FIGNL1: variants seen among roughly 807,000 people sequenced by gnomAD.
FIGNL1 encodes the protein fidgetin like 1.
A neutral mutation model predicts 28.9 loss-of-function variants in FIGNL1; 11 were observed. The ratio of observed to expected loss-of-function variants is 0.38; its 90% CI spans 0.24 to 0.63. The LOEUF (loss-of-function observed/expected upper bound fraction) is 0.63, where lower values mean the gene tolerates loss of function less well. FIGNL1 is among the 20% of genes least tolerant of loss of function. FIGNL1 has a pLI of 0.57. For missense variants in FIGNL1, 789 were observed against 810.4 expected, an observed-to-expected ratio of 0.97 and a Z score of 0.32; for synonymous variants, 295 against 276.5, an observed-to-expected ratio of 1.07 and a Z score of -0.66.
At position 50,445,228 on chromosome 7, in the gene FIGNL1, G is replaced by A. The variant is rs769702701; in HGVS notation, c.*35C>T. 2 of 1,338,944 alleles carry A rather than the reference G, an allele frequency of 1.5e-6. No homozygotes were observed. The highest frequency in any genetic ancestry group is 1.5e-5 in the African/African-American group (1 of 68,098). The allele number at this position is 1,338,944 out of a possible 1,614,324, so 82.9% of individuals were successfully genotyped here. On this transcript the variant is annotated 3_prime_UTR_variant, in exon 4 of 4. Transcript: ENST00000433017. The stretch of plus-strand genomic sequence containing the variant: ...TCTATGCTAAAAAATAAAGAAGACT[G>A]TACTACAGAGATGCCTTGATTCCAA...
intron 1 of FIGNL1, 146 bp downstream of exon 1, chr7:50,450,155 C>T (rs1370342715): frequency 2.6e-5 from 4 of 153,022 alleles, no homozygotes; most frequent in Non-Finnish European, 4.4e-5. Context: ...TGCCTGGCTC[C>T]CGCCTCCCAC....
In FIGNL1 at chr7:50,446,472, T is replaced by C. The variant is rs889657235; in HGVS notation, c.816A>G (p.Pro272=). 6.2e-7 allele frequency: 1 copy of C among 1,614,216 alleles called. No individual in the cohort carries two copies. The highest frequency in any genetic ancestry group is 8.5e-7 in the Non-Finnish European group (1 of 1,180,024). ...TTTTACTACAAGCCTTATTCAGTAT[T>C]GGATTGGAAAGTGCATCAATGGTGC... The part of the protein sequence containing the change: ...GSGTIDALSN[P]ILNKACSKTE... Residue 272 remains proline (P), a synonymous_variant, in exon 4 of 4, where the codon CCA becomes CCG. Transcript: ENST00000433017.
At chr7:50,448,786 T>C (rs545520115) in intron 2 of FIGNL1, 22 of 152,340 alleles carry the variant, frequency 1.4e-4, no homozygotes, top group Admixed American at 1.4e-3. Flanking sequence ...ATTTGTCACA[T>C]TGTAAGTAGG....
At position 50,446,449 on chromosome 7, in the gene FIGNL1, TTAC is replaced by T; in HGVS notation, c.836_838del (p.Ser279del). On this transcript the variant is annotated inframe_deletion, in exon 4 of 4. Coordinates refer to ENST00000433017, the MANE Select transcript of FIGNL1 (RefSeq NM_001287492.4). ...CTCCTTTGGGCCATTATCTTCTGTT[TTAC>T]TACAAGCCTTATTCAGTATTGGATT... 1.2e-6 allele frequency: 2 copies of T among 1,614,196 alleles called. No homozygotes were observed. Among genetic ancestry groups the T allele is most frequent in the Non-Finnish European group, 1.7e-6 (2 of 1,180,034 alleles).
At position 50,445,895 on chromosome 7, in the gene FIGNL1, T is replaced by C. The variant is rs777519479; in HGVS notation, c.1393A>G (p.Ile465Val). The stretch of plus-strand genomic sequence containing the variant: ...TTAGAAGTTAAGGATGAAGCAGAGA[T>C]GCTAAAGAATGTTGCCCCAGACTGA... ...ASQSGATFFS[I>V]SASSLTSKWV... Residue 465 changes from isoleucine to valine, a missense_variant, in exon 4 of 4, where the codon ATC (isoleucine) becomes GTC (valine). Ile to Val is a conservative substitution (Grantham distance 29). Transcript: ENST00000433017. 7 of 1,613,990 alleles carry C rather than the reference T, an allele frequency of 4.3e-6. No individual in the cohort carries two copies. The highest frequency in any genetic ancestry group is 1.7e-5 in the Admixed American group (1 of 60,006).
chr7:50,449,780 G>T (rs10236132), intron 1 of FIGNL1, 57 bp from the exon 2 acceptor site: 12,317 of 152,338 alleles, frequency 0.081, 569 homozygotes, highest in Middle Eastern at 0.14. Flanking sequence ...ATTCTGCAAA[G>T]CACTAGACAG....
At position 50,446,673 on chromosome 7, in the gene FIGNL1, T is replaced by G. The variant is rs774942618; in HGVS notation, c.615A>C (p.Ala205=). 2 of 1,614,078 alleles carry G rather than the reference T, an allele frequency of 1.2e-6. No homozygotes were observed. The highest frequency in any genetic ancestry group is 1.3e-5 in the African/African-American group (1 of 74,942). Residue 205 remains alanine (A), a synonymous_variant, in exon 4 of 4, where the codon GCA becomes GCC. Coordinates refer to ENST00000433017, the MANE Select transcript of FIGNL1 (RefSeq NM_001287492.4). ...TTGCAGTAGCTGACTCACCTACAGG[T>G]GCTGAGAATGTAGGACAAGTCCTAG... is the stretch of plus-strand genomic sequence containing the variant. ...NTARTCPTFS[A]PVGESATAKF...
Position 50,445,660 on chromosome 7 carries a change from CCCA to C in FIGNL1, c.1625_1627del (p.Val542del). On this transcript the variant is annotated inframe_deletion, in exon 4 of 4. Transcript: ENST00000433017. ...AATTTCTTGTGGCCGATTTGTTGCT[CCCA>C]CCACTAGGATACGATCTTCAGAAGA... The C allele has an allele frequency of 6.2e-7, 1 of 1,614,038 alleles. No individual in the cohort carries two copies. The highest frequency in any genetic ancestry group is 8.5e-7 in the Non-Finnish European group (1 of 1,179,992).
At chr7:50,448,489 C>T (rs1370013749) in intron 2 of FIGNL1, 200 bp from the exon 3 acceptor site, 1 of 152,154 alleles carries the variant, frequency 6.6e-6, no homozygotes, top group Non-Finnish European at 1.5e-5. Flanking sequence ...TAGGAAAATG[C>T]TTTTACTTTA....
Position 50,447,300 on chromosome 7 carries a change from AT to A in FIGNL1, c.-10-4del. ...TGGAGGTCTGCATTTTAGAGGTTCTATAACAAACAATAAAAATGAAAATCAG... is the reference window on the plus strand; with the variant it reads ...TGGAGGTCTGCATTTTAGAGGTTCTAAACAAACAATAAAAATGAAAATCAG... On this transcript the variant is annotated splice_polypyrimidine_tract_variant and splice_region_variant and intron_variant, in intron 3 of 3. Coordinates refer to ENST00000433017, the MANE Select transcript of FIGNL1 (RefSeq NM_001287492.4). 1 of 1,518,784 alleles carries A rather than the reference AT, an allele frequency of 6.6e-7. No homozygotes were observed. Among genetic ancestry groups the A allele is most frequent in the Non-Finnish European group, 8.8e-7 (1 of 1,130,024 alleles). 94.1% of individuals were successfully genotyped at this position (1,518,784 alleles called of 1,614,324 possible). A position where few individuals can be genotyped will look rare whatever the true frequency, so the allele number is the denominator to read the frequency against.
chr7:50,447,321 A>C (rs1821171296), intron 3 of FIGNL1, 24 bp from the exon 4 acceptor site: 1 of 1,463,634 alleles, frequency 6.8e-7, no homozygotes, highest in African/African-American at 1.4e-5. Context: ...TAAAAATGAA[A>C]ATCAGTATGA....
chr7:50,449,855 T>A (rs1429630824), intron 1 of FIGNL1, 132 bp from the exon 2 acceptor site: 1 of 152,310 alleles, frequency 6.6e-6, no homozygotes, highest in Non-Finnish European at 1.5e-5. Context: ...CGATGACCCC[T>A]GAAAGGTATG....
In FIGNL1 at chr7:50,447,201, C is replaced by T. The variant is rs755278729; in HGVS notation, c.87G>A (p.Pro29=). 8 of 1,614,022 alleles carry T rather than the reference C, an allele frequency of 5.0e-6. No individual in the cohort carries two copies. The highest frequency in any genetic ancestry group is 1.1e-5 in the South Asian group (1 of 91,082). ...TCTGTGCACGGTATGCATCTGCCTT[C>T]GGTCCGGTACATATGCCAGATGTAA... is the stretch of plus-strand genomic sequence containing the variant. ...FAITSGICTG[P]KADAYRAQIL... Residue 29 remains proline (P), a synonymous_variant, in exon 4 of 4, where the codon CCG becomes CCA. Transcript: ENST00000433017.
chr7:50,444,866 A>G lies in FIGNL1; in HGVS notation c.*397T>C, dbSNP rs1820348873. ...ACTAAGCAATACTTTGTCCAAATGT[A>G]AACCATTATACTAGCTGACATTAAG... On this transcript the variant is annotated 3_prime_UTR_variant, in exon 4 of 4. Coordinates refer to ENST00000433017, the MANE Select transcript of FIGNL1 (RefSeq NM_001287492.4). 1 of 153,650 alleles carries G rather than the reference A, an allele frequency of 6.5e-6. No individual in the cohort carries two copies. Among genetic ancestry groups the G allele is most frequent in the South Asian group, 2.1e-4 (1 of 4,850 alleles). The allele number at this position is 153,650 out of a possible 1,614,324, so 9.5% of individuals were successfully genotyped here.
chr7:50,447,343 G>GA, intron 3 of FIGNL1, 46 bp from the exon 4 acceptor site: 1 of 1,337,138 alleles, frequency 7.5e-7, no homozygotes, highest in Non-Finnish European at 1.0e-6. Context: ...GGAAAACAAA[G>GA]AAAATACTTT....
chr7:50,445,641 T>C lies in FIGNL1; in HGVS notation c.1647A>G (p.Gln549=). Residue 549 remains glutamine (Q), a synonymous_variant, in exon 4 of 4, where the codon CAA becomes CAG. Transcript: ENST00000433017. ...ILVVGATNRP[Q]EIDEAARRRL... is the part of the protein sequence containing the mutation. ...TTCTCCGGGCAGCCTCATCAATTTC[T>C]TGTGGCCGATTTGTTGCTCCCACCA... 3 of 1,614,138 alleles carry C rather than the reference T, an allele frequency of 1.9e-6. No individual in the cohort carries two copies. The highest frequency in any genetic ancestry group is 2.5e-6 in the Non-Finnish European group (3 of 1,180,020).
In FIGNL1 at chr7:50,445,187, A is replaced by T. The variant is rs1405559540; in HGVS notation, c.*76T>A. Reference sequence around the variant, plus strand: ...AGAATATATTCTTAAAAATACAATTAACACATCCCCAACTTTCTATGCTAA... The same window carrying T: ...AGAATATATTCTTAAAAATACAATTTACACATCCCCAACTTTCTATGCTAA... On this transcript the variant is annotated 3_prime_UTR_variant, in exon 4 of 4. Coordinates refer to ENST00000433017, the MANE Select transcript of FIGNL1 (RefSeq NM_001287492.4). 1 of 862,880 alleles carries T rather than the reference A, an allele frequency of 1.2e-6. No homozygotes were observed. The highest frequency in any genetic ancestry group is 1.7e-6 in the Non-Finnish European group (1 of 581,736). 53.5% of individuals were successfully genotyped at this position (862,880 alleles called of 1,614,324 possible). A position where few individuals can be genotyped will look rare whatever the true frequency, so the allele number is the denominator to read the frequency against.
rs746004662 is a variant in FIGNL1 at position 50,447,019 on chromosome 7, GC to G, written c.268del (p.Ala90GlnfsTer17). The G allele has an allele frequency of 6.2e-7, 1 of 1,614,090 alleles. No homozygotes were observed. Among genetic ancestry groups the G allele is most frequent in the African/African-American group, 1.3e-5 (1 of 74,928 alleles). On this transcript the variant is annotated frameshift_variant, in exon 4 of 4. Transcript: ENST00000433017. LOFTEE classifies it low-confidence loss of function (END_TRUNC). ...NNYAENILTL[A>X]GSQQTDSDKW... ...GTCACTATCTGTTTGTTGAGATCCT[GC>G]CAAAGTTAAAATGTTTTCTGCATAA... is the stretch of plus-strand genomic sequence containing the variant.
At chr7:50,448,788 G>T (rs1196575746) in intron 2 of FIGNL1, 1 of 152,162 alleles carries the variant, frequency 6.6e-6, no homozygotes, top group Non-Finnish European at 1.5e-5. Context: ...TTGTCACATT[G>T]TAAGTAGGTG....
Sources: gnomAD v4.1 joint callset for allele counts on GRCh38, gnomAD v4.1.1 for gene constraint, MANE v1.5 for transcripts, NCBI Gene and HGNC (gene_info 2026-07-23, HGNC 2026-07-21) for gene names.